Variants in ZFPM2 observed in about 807,000 individuals in gnomAD.
ZFPM2 encodes the protein zinc finger protein, FOG family member 2.
In ZFPM2, 20 loss-of-function variants were observed where a neutral mutation model predicts 98.6. The ratio of observed to expected loss-of-function variants is 0.20; its 90% CI spans 0.14 to 0.29. The LOEUF is 0.29. Ranked by LOEUF, ZFPM2 falls within the 10% of genes least tolerant of loss-of-function variation. ZFPM2 has a pLI of 1.00. For missense variants in ZFPM2, 1,310 were observed against 1,388.6 expected, an observed-to-expected ratio of 0.94 and a Z score of 0.90; for synonymous variants, 518 against 502.7, an observed-to-expected ratio of 1.03 and a Z score of -0.41.
At chr8:105,704,018 C>T (rs1811201686) in intron 5 of ZFPM2, among the ~76,000 whole-genome samples, 2 of 152,150 alleles carry the variant, frequency 1.3e-5, no homozygotes, top group Non-Finnish European at 2.9e-5. Context: ...ATCCTGAGTT[C>T]TCTCTCCTTT....
intron 1 of ZFPM2, among the ~76,000 whole-genome samples, chr8:105,352,472 A>G (rs1316058126): frequency 6.6e-6 from 1 of 152,180 alleles, no homozygotes; most frequent in Non-Finnish European, 1.5e-5. Context: ...TTAATTCAGT[A>G]TTAATGAAGA....
intron 5 of ZFPM2, among the ~76,000 whole-genome samples, chr8:105,688,784 ATACAT>A (rs1051783045): frequency 6.6e-6 from 1 of 152,190 alleles, no homozygotes; most frequent in Non-Finnish European, 1.5e-5. Flanking sequence ...ATCTTTGTGA[ATACAT>A]TACACTCTTC....
At chr8:105,754,727 C>A (rs1241485048) in intron 5 of ZFPM2, among the ~76,000 whole-genome samples, 2 of 151,234 alleles carry the variant, frequency 1.3e-5, no homozygotes, top group Non-Finnish European at 2.9e-5. Flanking sequence ...TGATTTTTTC[C>A]CCCTTTTTAA....
intron 5 of ZFPM2, among the ~76,000 whole-genome samples, chr8:105,723,107 G>A (rs1811708606): frequency 1.3e-5 from 2 of 151,602 alleles, no homozygotes; most frequent in Admixed American, 6.6e-5. Context: ...GTGTCTATTC[G>A]TTCTTGAATT....
At chr8:105,632,544 A>G (rs1816773349) in intron 4 of ZFPM2, among the ~76,000 whole-genome samples, 1 of 152,148 alleles carries the variant, frequency 6.6e-6, no homozygotes. Flanking sequence ...ATTAGGACCT[A>G]ATACTTAATT....
At chr8:105,564,921 A>G (rs1815212845) in intron 4 of ZFPM2, among the ~76,000 whole-genome samples, 1 of 152,150 alleles carries the variant, frequency 6.6e-6, no homozygotes, top group Non-Finnish European at 1.5e-5. Context: ...TATAATATGT[A>G]TTTGAAATCA....
intron 4 of ZFPM2, among the ~76,000 whole-genome samples, chr8:105,597,396 T>G (rs1815994241): frequency 6.6e-6 from 1 of 152,098 alleles, no homozygotes; most frequent in African/African-American, 2.4e-5. Context: ...TATTTGACAT[T>G]TATGAAGTTG....
At chr8:105,362,334 G>T (rs1448234324) in intron 1 of ZFPM2, among the ~76,000 whole-genome samples, 3 of 151,852 alleles carry the variant, frequency 2.0e-5, no homozygotes, top group East Asian at 1.9e-4. Context: ...CTGGATCAGG[G>T]TAACTGATCT....
intron 4 of ZFPM2, among the ~76,000 whole-genome samples, chr8:105,574,975 G>A (rs551998682): frequency 2.6e-5 from 4 of 151,820 alleles, no homozygotes; most frequent in Non-Finnish European, 5.9e-5. Flanking sequence ...TATTAAAGAA[G>A]TACAGAAGTG....
chr8:105,434,045 T>C (rs1812072638), intron 2 of ZFPM2, among the ~76,000 whole-genome samples: 1 of 152,192 alleles, frequency 6.6e-6, no homozygotes, highest in Admixed American at 6.5e-5. Context: ...AAAATAATTG[T>C]ATACTGAATA....
At chr8:105,403,157 T>G (rs1391092960) in intron 1 of ZFPM2, among the ~76,000 whole-genome samples, 1 of 152,036 alleles carries the variant, frequency 6.6e-6, no homozygotes, top group Non-Finnish European at 1.5e-5. Context: ...TAATCTCAAA[T>G]ATGGGGGCTT....
chr8:105,781,355 G>T (rs117716663), intron 5 of ZFPM2, among the ~76,000 whole-genome samples: 111 of 152,294 alleles, frequency 7.3e-4, no homozygotes, highest in Admixed American at 2.6e-3. Flanking sequence ...GAAGTGCTTA[G>T]AACAGTGCCT....
intron 3 of ZFPM2, among the ~76,000 whole-genome samples, chr8:105,494,742 T>TA (rs1038027216): frequency 6.6e-6 from 1 of 152,154 alleles, no homozygotes; most frequent in Non-Finnish European, 1.5e-5. Flanking sequence ...GTCTGTGTTT[T>TA]AACAAGAATT....
intron 1 of ZFPM2, among the ~76,000 whole-genome samples, chr8:105,404,244 G>A (rs1187351292): frequency 6.6e-6 from 1 of 152,066 alleles, no homozygotes; most frequent in African/African-American, 2.4e-5. Flanking sequence ...TTAAGAGAGT[G>A]GCTTTGCGGC....
chr8:105,783,595 T>A (rs1813325123), intron 5 of ZFPM2, among the ~76,000 whole-genome samples: 1 of 152,178 alleles, frequency 6.6e-6, no homozygotes, highest in African/African-American at 2.4e-5. Context: ...TCTGTCTGTA[T>A]GATTTGGGAT....
chr8:105,753,299 T>C (rs1027032247), intron 5 of ZFPM2, among the ~76,000 whole-genome samples: 2 of 152,078 alleles, frequency 1.3e-5, no homozygotes, highest in Non-Finnish European at 2.9e-5. Context: ...CACTTGGAGG[T>C]TGGAGACCAT....
chr8:105,371,326 TGATGATGGGCATCTAGAAG>T (rs1441055320), intron 1 of ZFPM2, among the ~76,000 whole-genome samples: 1 of 152,198 alleles, frequency 6.6e-6, no homozygotes, highest in African/African-American at 2.4e-5. Context: ...TTATACTTGC[TGATGATGGGCATCTAGAAG>T]GTTAAAGGAG....
At chr8:105,508,106 A>G (rs1238394835) in intron 3 of ZFPM2, among the ~76,000 whole-genome samples, 1 of 152,128 alleles carries the variant, frequency 6.6e-6, no homozygotes, top group Admixed American at 6.5e-5. Context: ...CCCACCTACT[A>G]TTACAGTTTA....
At chr8:105,481,372 T>A (rs1813114379) in intron 3 of ZFPM2, among the ~76,000 whole-genome samples, 1 of 152,022 alleles carries the variant, frequency 6.6e-6, no homozygotes, top group African/African-American at 2.4e-5. Flanking sequence ...CATGGTCTGG[T>A]TGGTGGTGGG....
Sources: allele counts gnomAD v4.1 joint callset (sites outside exome capture counted in the v4.1 genomes callset), GRCh38; gene constraint gnomAD v4.1.1; transcripts MANE v1.5; gene names NCBI Gene and HGNC (gene_info 2026-07-23, HGNC 2026-07-21).